Variants in ADAMTSL1 observed in about 807,000 individuals in gnomAD.
ADAMTSL1 encodes ADAMTS-like protein 1.
ADAMTSL1 carries 126 observed loss-of-function variants against 201.8 expected under a neutral mutation model. That is an observed-to-expected ratio of 0.62 (90% confidence interval 0.54 to 0.72). ADAMTSL1 has a LOEUF of 0.72. ADAMTSL1 is among the 30% of genes least tolerant of loss of function. ADAMTSL1 has a pLI of 0.00. For synonymous variants in ADAMTSL1, 1,121 were observed against 903.4 expected, an observed-to-expected ratio of 1.24 and a Z score of -4.32; for missense variants, 2,679 against 2,277.8, an observed-to-expected ratio of 1.18 and a Z score of -3.59.
At chr9:18,192,977 C>T (rs932151021) in intron 2 of ADAMTSL1, among the ~76,000 whole-genome samples, 4 of 151,938 alleles carry the variant, frequency 2.6e-5, no homozygotes, top group African/African-American at 9.7e-5. Context: ...ACTATCTAAC[C>T]AGAGAAATAA....
intron 1 of ADAMTSL1, among the ~76,000 whole-genome samples, chr9:17,913,682 T>G (rs983760304): frequency 6.6e-6 from 1 of 151,944 alleles, no homozygotes; most frequent in African/African-American, 2.4e-5. Flanking sequence ...AGAGCAGAAC[T>G]GAAGGAAATA....
At position 18,074,107 on chromosome 9, in the gene ADAMTSL1, T is replaced by C. The variant is rs191440311; in HGVS notation, c.88-89755T>C. On this transcript the variant is annotated intron_variant, in intron 1 of 29. Coordinates refer to the ADAMTSL1 transcript ENST00000680146. Reference sequence around the variant, plus strand: ...CTAAGAACTCCTTACGCTTTGAGCATTGGGGACATGAGATTTAAAATCATG... The same window carrying C: ...CTAAGAACTCCTTACGCTTTGAGCACTGGGGACATGAGATTTAAAATCATG... 1.8e-3 allele frequency among the ~76,000 whole-genome samples: 271 copies of C among 152,296 alleles called. 2 individuals carry two copies. The highest frequency in any genetic ancestry group is 5.0e-3 in the African/African-American group (209 of 41,558).
intron 23 of ADAMTSL1, among the ~76,000 whole-genome samples, chr9:18,868,449 T>C (rs1308170788): frequency 6.6e-6 from 1 of 152,240 alleles, no homozygotes; most frequent in Non-Finnish European, 1.5e-5. Context: ...GGTTTTCTTC[T>C]ATTAGTTAAG....
intron 2 of ADAMTSL1, among the ~76,000 whole-genome samples, chr9:18,187,894 C>T (rs1280429477): frequency 2.0e-5 from 3 of 151,964 alleles, no homozygotes; most frequent in Non-Finnish European, 4.4e-5. Flanking sequence ...TGTATATATC[C>T]CGTGTTTCAA....
At chr9:18,025,938 T>C (rs956596832) in intron 1 of ADAMTSL1, among the ~76,000 whole-genome samples, 5 of 152,072 alleles carry the variant, frequency 3.3e-5, no homozygotes, top group Non-Finnish European at 5.9e-5. Flanking sequence ...TTCAGCAGTG[T>C]TTGTAATTCT....
At chr9:18,332,711 A>C (rs1425735635) in intron 2 of ADAMTSL1, among the ~76,000 whole-genome samples, 1 of 152,232 alleles carries the variant, frequency 6.6e-6, no homozygotes, top group African/African-American at 2.4e-5. Context: ...GTTATAAGTT[A>C]AGTTATTTTA....
chr9:18,619,465 A>G (rs1019518276), intron 4 of ADAMTSL1, among the ~76,000 whole-genome samples: 1 of 152,162 alleles, frequency 6.6e-6, no homozygotes, highest in South Asian at 2.1e-4. Context: ...TTCTGAAGCT[A>G]AACAAAGCCC....
At chr9:18,196,577 A>G (rs537614851) in intron 2 of ADAMTSL1, among the ~76,000 whole-genome samples, 2 of 152,134 alleles carry the variant, frequency 1.3e-5, no homozygotes, top group Admixed American at 6.6e-5. Context: ...TCAGCTTTTG[A>G]TAGTCTCAGT....
At chr9:18,536,001 G>A (rs577166754) in intron 3 of ADAMTSL1, among the ~76,000 whole-genome samples, 145 of 152,024 alleles carry the variant, frequency 9.5e-4, no homozygotes, top group Non-Finnish European at 1.7e-3. Flanking sequence ...AGCACTCCAT[G>A]AGCCAAAATC....
At chr9:18,616,094 C>G (rs548838589) in intron 4 of ADAMTSL1, among the ~76,000 whole-genome samples, 1 of 152,104 alleles carries the variant, frequency 6.6e-6, no homozygotes. Context: ...GACGCCATCT[C>G]GGCTCACTGC....
chr9:18,598,040 C>G (rs1824378050), intron 4 of ADAMTSL1, among the ~76,000 whole-genome samples: 1 of 152,058 alleles, frequency 6.6e-6, no homozygotes, highest in African/African-American at 2.4e-5. Context: ...TGCTTGTGAT[C>G]CAAGAGAACA....
rs530066625 is a variant in ADAMTSL1, at chr9:18,547,857, T to G, written c.237+14565T>G. Reference sequence around the variant, plus strand: ...ATCTGATTCTGGACCGGGGGCCATGTGAACCGTATGGAGATAATCATAAAA... The same window carrying G: ...ATCTGATTCTGGACCGGGGGCCATGGGAACCGTATGGAGATAATCATAAAA... On this transcript the variant is annotated intron_variant, in intron 3 of 28. Transcript: ENST00000380548. 4.0e-5 allele frequency among the ~76,000 whole-genome samples: 6 copies of G among 151,880 alleles called. No homozygotes were observed. The South Asian group carries it at 1.0e-3, about 26-fold the overall frequency.
intron 1 of ADAMTSL1, among the ~76,000 whole-genome samples, chr9:18,500,412 C>T (rs546031373): frequency 1.6e-4 from 25 of 152,282 alleles, no homozygotes; most frequent in Non-Finnish European, 3.2e-4. Context: ...AGGCTAAGAA[C>T]GTCTTGACTG....
At chr9:18,826,211 T>TA in intron 21 of ADAMTSL1, 73 bp from the exon 22 acceptor site, 1 of 1,535,152 alleles carries the variant, frequency 6.5e-7, no homozygotes, top group South Asian at 1.2e-5. Flanking sequence ...CAAGAAGCTA[T>TA]AAATGCCTCT....
intron 21 of ADAMTSL1, 44 bp downstream of exon 21, chr9:18,817,281 G>A: frequency 6.5e-7 from 1 of 1,535,166 alleles, no homozygotes. Context: ...ATGGAGCCCT[G>A]TGCTAGGTTG....
intron 1 of ADAMTSL1, among the ~76,000 whole-genome samples, chr9:18,163,303 G>A (rs1228497901): frequency 6.6e-6 from 1 of 152,032 alleles, no homozygotes; most frequent in Non-Finnish European, 1.5e-5. Context: ...CCTGTGTAAA[G>A]AACCTGGAAT....
At chr9:18,419,632 G>T (rs1480025555) in intron 2 of ADAMTSL1, among the ~76,000 whole-genome samples, 1 of 151,736 alleles carries the variant, frequency 6.6e-6, no homozygotes, top group Non-Finnish European at 1.5e-5. Flanking sequence ...CACACTGCTA[G>T]ACACACTACA....
At chr9:18,393,718 G>A (rs1817627280) in intron 2 of ADAMTSL1, among the ~76,000 whole-genome samples, 1 of 152,120 alleles carries the variant, frequency 6.6e-6, no homozygotes, top group Non-Finnish European at 1.5e-5. Context: ...AAATGGCAGT[G>A]CCTTACTTTT....
chr9:18,682,652 C>A (rs1830573293), intron 12 of ADAMTSL1, among the ~76,000 whole-genome samples: 1 of 152,074 alleles, frequency 6.6e-6, no homozygotes, highest in South Asian at 2.1e-4. Flanking sequence ...AAGTCACAAA[C>A]CATTCAGAAG....
Sources: allele counts gnomAD v4.1 joint callset (sites outside exome capture counted in the v4.1 genomes callset), GRCh38; gene constraint gnomAD v4.1.1; transcripts MANE v1.5; gene names NCBI Gene and HGNC (gene_info 2026-07-23, HGNC 2026-07-21).